The following PDLIM5 variants were observed in gnomAD, a reference collection of about 807,000 sequenced individuals.
PDLIM5 encodes PDZ and LIM domain protein 5.
PDLIM5 carries 34 observed loss-of-function variants against 64.2 expected under a neutral mutation model. That is an observed-to-expected ratio of 0.53 (90% CI 0.40 to 0.71). PDLIM5 has a LOEUF of 0.71. Ranked by LOEUF, PDLIM5 falls within the 30% of genes least tolerant of loss-of-function variation. The pLI, the probability that PDLIM5 is intolerant of heterozygous loss-of-function variation, is 0.00. For missense variants in PDLIM5, 683 were observed against 733.6 expected, an observed-to-expected ratio of 0.93 and a Z score of 0.80; for synonymous variants, 253 against 269.1, an observed-to-expected ratio of 0.94 and a Z score of 0.59.
In PDLIM5 at chr4:94,583,335, T is replaced by C. The variant is rs1469167510; in HGVS notation, c.711-2230T>C. Among the ~76,000 whole-genome samples the C allele has an allele frequency of 1.3e-5, 2 of 152,286 alleles. 1 individual carries two copies. Among genetic ancestry groups the C allele is most frequent in the African/African-American group, 4.8e-5 (2 of 41,588 alleles). ...CTACTTAGGTAGTGTCATTCTATTA[T>C]TCGTGATATCTTAGCTTGACACCAT... On this transcript the variant is annotated intron_variant, in intron 5 of 12. Transcript: ENST00000317968.
chr4:94,468,797 G>A (rs896864823), intron 2 of PDLIM5, among the ~76,000 whole-genome samples: 3 of 152,156 alleles, frequency 2.0e-5, no homozygotes, highest in East Asian at 1.9e-4. Context: ...TGTCCTGTTG[G>A]TATGGTTTTC....
chr4:94,656,401 A>G (rs1742211558), intron 10 of PDLIM5, among the ~76,000 whole-genome samples: 2 of 152,040 alleles, frequency 1.3e-5, no homozygotes, highest in South Asian at 4.1e-4. Flanking sequence ...AATCTTTATA[A>G]CTTGGTATGT....
At chr4:94,461,522 A>T (rs986155261) in intron 2 of PDLIM5, among the ~76,000 whole-genome samples, 1 of 127,950 alleles carries the variant, frequency 7.8e-6, no homozygotes, top group African/African-American at 2.7e-5. Flanking sequence ...TTTTATTAAG[A>T]GGTTTTTTTT....
chr4:94,585,477 T>C lies in PDLIM5; in HGVS notation c.711-88T>C, dbSNP rs570207110. 6 of 745,682 alleles carry C rather than the reference T, an allele frequency of 8.0e-6. No individual in the cohort carries two copies. In the East Asian group the frequency reaches 1.5e-4, roughly 18 times the overall value. 46.2% of individuals were successfully genotyped at this position (745,682 alleles called of 1,614,324 possible). A position where few individuals can be genotyped will look rare whatever the true frequency, so the allele number is the denominator to read the frequency against. On this transcript the variant is annotated intron_variant, in intron 5 of 12. Transcript: ENST00000317968. Reference sequence around the variant, plus strand: ...TAAAAGGAATATTGAAGATTAATCATATAAATTATAAATAATTTAGTAGAA... The same window carrying C: ...TAAAAGGAATATTGAAGATTAATCACATAAATTATAAATAATTTAGTAGAA...
intron 5 of PDLIM5, chr4:94,582,801 C>T (rs370102704): frequency 1.8e-5 from 17 of 954,786 alleles, no homozygotes; most frequent in East Asian, 1.7e-4. Context: ...CAATTTAATA[C>T]TACCAGCAAA....
At chr4:94,463,235 A>G (rs1017244925) in intron 2 of PDLIM5, among the ~76,000 whole-genome samples, 1 of 152,206 alleles carries the variant, frequency 6.6e-6, no homozygotes, top group African/African-American at 2.4e-5. Flanking sequence ...GCTGATATAC[A>G]ATCAACCCTT....
chr4:94,640,578 C>A (rs1740927619), intron 9 of PDLIM5, 128 bp downstream of exon 9: 2 of 536,868 alleles, frequency 3.7e-6, no homozygotes, highest in Non-Finnish European at 6.5e-6. Context: ...CTATAGAGTA[C>A]TAATTATTGA....
chr4:94,532,875 G>A (rs993794320), intron 3 of PDLIM5, among the ~76,000 whole-genome samples: 8 of 152,144 alleles, frequency 5.3e-5, no homozygotes, highest in Admixed American at 1.3e-4. Flanking sequence ...GCGGTGGTAC[G>A]CGTCTGTATT....
intron 3 of PDLIM5, among the ~76,000 whole-genome samples, chr4:94,535,829 G>A (rs1731271786): frequency 8.0e-6 from 1 of 124,430 alleles, no homozygotes; most frequent in South Asian, 2.9e-4. Context: ...CCTTACATAA[G>A]GTCCTCTTTT....
Position 94,515,525 on chromosome 4 carries a change from A to G in PDLIM5, c.97-8199A>G, listed in dbSNP as rs577206281. Reference sequence around the variant, plus strand: ...CCTGTGATTTTTCCTCCTGTCGTAGAAGTATGCTGGCCTGGTGTTTACCAA... The same window carrying G: ...CCTGTGATTTTTCCTCCTGTCGTAGGAGTATGCTGGCCTGGTGTTTACCAA... On this transcript the variant is annotated intron_variant, in intron 2 of 12. Coordinates refer to ENST00000317968, the MANE Select transcript of PDLIM5 (RefSeq NM_006457.5). Among the ~76,000 whole-genome samples, 47 of 152,268 alleles carry G rather than the reference A, an allele frequency of 3.1e-4. No homozygotes were observed. In the South Asian group the frequency reaches 6.2e-3, roughly 20 times the overall value.
chr4:94,587,282 CCA>C, intron 7 of PDLIM5: 6 of 1,080,064 alleles, frequency 5.6e-6, no homozygotes, highest in African/African-American at 2.4e-5. Context: ...AAATGTAAAA[CCA>C]AAAAAAAAAA....
chr4:94,456,484 C>T (rs896008741), intron 2 of PDLIM5: 5 of 702,520 alleles, frequency 7.1e-6, no homozygotes, highest in Non-Finnish European at 1.0e-5. Context: ...AGGCGTGAGC[C>T]ACCGTGCCTG....
At chr4:94,658,562 C>A (rs949663685) in intron 11 of PDLIM5, among the ~76,000 whole-genome samples, 1 of 152,200 alleles carries the variant, frequency 6.6e-6, no homozygotes, top group Admixed American at 6.5e-5. Context: ...GTTATTCTAC[C>A]TTGAAATTCA....
chr4:94,502,393 G>C (rs553660908), intron 2 of PDLIM5, among the ~76,000 whole-genome samples: 2 of 152,338 alleles, frequency 1.3e-5, no homozygotes, highest in East Asian at 3.9e-4. Context: ...TGGCAATGAT[G>C]TGTAGGGTAA....
chr4:94,603,413 A>G (rs1178198205), intron 7 of PDLIM5, among the ~76,000 whole-genome samples: 2 of 152,134 alleles, frequency 1.3e-5, no homozygotes, highest in Non-Finnish European at 2.9e-5. Flanking sequence ...TGGATGAGAG[A>G]GGGTGGTAGC....
At chr4:94,656,100 AAC>A (rs1378143501) in intron 10 of PDLIM5, among the ~76,000 whole-genome samples, 2 of 152,238 alleles carry the variant, frequency 1.3e-5, no homozygotes, top group African/African-American at 4.8e-5. Context: ...ACAATTAGAA[AAC>A]ACAAAAAATT....
intron 3 of PDLIM5, among the ~76,000 whole-genome samples, chr4:94,547,126 T>C (rs1244427162): frequency 6.6e-6 from 1 of 152,072 alleles, no homozygotes; most frequent in Non-Finnish European, 1.5e-5. Context: ...CATAAAAGTT[T>C]TCCAAAAATT....
At chr4:94,588,436 G>A (rs1207923584) in intron 7 of PDLIM5, among the ~76,000 whole-genome samples, 1 of 152,118 alleles carries the variant, frequency 6.6e-6, no homozygotes, top group African/African-American at 2.4e-5. Context: ...GGTGGCGCAT[G>A]CCTGTAATCC....
rs1301565897 is a variant in PDLIM5 at position 94,657,505 on chromosome 4, A to G, written c.1543A>G (p.Asn515Asp). 3 of 1,610,750 alleles carry G rather than the reference A, an allele frequency of 1.9e-6. No individual in the cohort carries two copies. The highest frequency in any genetic ancestry group is 1.1e-5 in the South Asian group (1 of 90,962). The change falls in exon 11 of 13, where the codon AAT becomes GAT. Residue 515 changes from asparagine (N) to aspartate (D), a missense_variant. Transcript: ENST00000317968. ...AGCCTGTGGAAAGCCCATTCGGAAC[A>G]ATGTTTTTCACTTGGAGGATGGTGA... is the stretch of plus-strand genomic sequence containing the variant. ...CVACGKPIRN[N>D]VFHLEDGEPY...
Sources: gnomAD v4.1 joint callset for allele counts (sites outside exome capture counted in the v4.1 genomes callset) on GRCh38, gnomAD v4.1.1 for gene constraint, MANE v1.5 for transcripts, NCBI Gene and HGNC (gene_info 2026-07-23, HGNC 2026-07-21) for gene names.